PLEKHA6: variants seen among roughly 807,000 people sequenced by gnomAD.
The protein encoded by PLEKHA6 is pleckstrin homology domain-containing family A member 6.
Under a neutral mutation model 116.7 loss-of-function variants are expected in PLEKHA6, and 60 were observed. That is an observed-to-expected ratio of 0.51 (90% CI 0.42 to 0.64). The LOEUF is 0.64. Among genes scored for constraint, PLEKHA6 ranks in the 30% least tolerant of loss-of-function variants. The pLI, the probability that PLEKHA6 is intolerant of heterozygous loss-of-function variation, is 0.00. For missense variants in PLEKHA6, 1,338 were observed against 1,422.7 expected (o/e 0.94, Z 0.96); for synonymous variants, 489 against 556.1 (o/e 0.88, Z 1.70).
chr1:204,257,404 G>T lies in PLEKHA6; in HGVS notation c.1473C>A (p.Ile491=). The T allele has an allele frequency of 6.4e-7, 1 of 1,564,256 alleles. No individual in the cohort carries two copies. The highest frequency in any genetic ancestry group is 8.7e-7 in the Non-Finnish European group (1 of 1,153,732). The change falls in exon 9 of 23, where the codon ATC becomes ATA. Residue 491 remains isoleucine (I), a synonymous_variant. Transcript: ENST00000272203. The surrounding 1 kb of genome is among the most constrained non-coding windows in gnomAD (Gnocchi z 6.5). ...TCACATAGGCAGCAGGGTCAGCATA[G>T]ATGTCCTCACTGCGAGGTGGCAGCC... ...FERLPPRSED[I]YADPAAYVMR...
At chr1:204,253,951 A>C (rs1016825090) in intron 9 of PLEKHA6, among the ~76,000 whole-genome samples, 14 of 152,200 alleles carry the variant, frequency 9.2e-5, no homozygotes, top group African/African-American at 3.4e-4. Context: ...CTAATGGACC[A>C]GCCCCTCTGT....
chr1:204,367,432 C>T (rs1673683753), intron 3 of PLEKHA6, among the ~76,000 whole-genome samples: 2 of 152,196 alleles, frequency 1.3e-5, no homozygotes, highest in African/African-American at 4.8e-5. Flanking sequence ...ACTGCCTCCA[C>T]ATCCTGCCCC....
At chr1:204,353,421 T>G (rs1048602633) in intron 1 of PLEKHA6, among the ~76,000 whole-genome samples, 2 of 152,166 alleles carry the variant, frequency 1.3e-5, no homozygotes, top group Non-Finnish European at 2.9e-5. Flanking sequence ...GAGCACCTAC[T>G]ATGTGCTAAG....
At position 204,248,808 on chromosome 1, in the gene PLEKHA6, C is replaced by T; in HGVS notation, c.1824+13G>A. Reference sequence around the variant, plus strand: ...GATGAGGTGGGGTGCACGAACCCCGCTCCCTGGGTTACCGTGGTCGCCTGA... The same window carrying T: ...GATGAGGTGGGGTGCACGAACCCCGTTCCCTGGGTTACCGTGGTCGCCTGA... On this transcript the variant is annotated intron_variant, in intron 12 of 22. Coordinates refer to ENST00000272203, the MANE Select transcript of PLEKHA6 (RefSeq NM_014935.5). The T allele has an allele frequency of 1.2e-6, 2 of 1,612,326 alleles. No homozygotes were observed. Among genetic ancestry groups the T allele is most frequent in the Admixed American group, 1.7e-5 (1 of 59,982 alleles).
At chr1:204,366,625 G>A (rs1021499186) in intron 3 of PLEKHA6, among the ~76,000 whole-genome samples, 2 of 152,124 alleles carry the variant, frequency 1.3e-5, no homozygotes, top group African/African-American at 4.8e-5. Flanking sequence ...GCCAGGCATG[G>A]TGGTGGGCAC....
At position 204,228,634 on chromosome 1, in the gene PLEKHA6, G is replaced by C. The variant is rs938462856; in HGVS notation, c.2885+94C>G. 8.7e-7 allele frequency: 1 copy of C among 1,154,466 alleles called. No homozygotes were observed. The highest frequency in any genetic ancestry group is 1.5e-5 in the African/African-American group (1 of 66,068). 71.5% of individuals were successfully genotyped at this position (1,154,466 alleles called of 1,614,324 possible). On this transcript the variant is annotated intron_variant, in intron 20 of 22. Transcript: ENST00000272203. The surrounding 1 kb of genome is among the most constrained non-coding windows in gnomAD (Gnocchi z 4.0). ...TCACCACCTCGATGTGCTCTCCCCT[G>C]GGGAGGCTCTGTGCCCCCAACGACT...
intron 1 of PLEKHA6, chr1:204,308,980 C>G (rs12405379): frequency 3.3e-5 from 21 of 630,472 alleles, no homozygotes; most frequent in Non-Finnish European, 4.0e-5. Flanking sequence ...TGAGCCACCA[C>G]GCCCGGCCTC....
chr1:204,347,224 C>T (rs1673094256), intron 1 of PLEKHA6: 6 of 1,120,738 alleles, frequency 5.4e-6, no homozygotes, highest in South Asian at 2.5e-5. Context: ...GAACATACAT[C>T]GGGTGCCTCT....
rs939737638 is a variant in PLEKHA6 at position 204,257,237 on chromosome 1, C to T, written c.1524+116G>A. 3.7e-5 allele frequency: 37 copies of T among 995,860 alleles called. No individual in the cohort carries two copies. The highest frequency in any genetic ancestry group is 1.6e-4 in the South Asian group (10 of 63,654). 61.7% of individuals were successfully genotyped at this position (995,860 alleles called of 1,614,324 possible). A position where few individuals can be genotyped will look rare whatever the true frequency, so the allele number is the denominator to read the frequency against. Reference sequence around the variant, plus strand: ...CAGCACTGCTGGTCCTGCAGACAAACGGCCCAGTGGCCCCGTGGCACAGAT... The same window carrying T: ...CAGCACTGCTGGTCCTGCAGACAAATGGCCCAGTGGCCCCGTGGCACAGAT... On this transcript the variant is annotated intron_variant, in intron 9 of 22. Coordinates refer to ENST00000272203, the MANE Select transcript of PLEKHA6 (RefSeq NM_014935.5). The surrounding 1 kb of genome is among the most constrained non-coding windows in gnomAD (Gnocchi z 6.5).
At chr1:204,250,511 G>C in intron 10 of PLEKHA6, 35 bp downstream of exon 10, 1 of 1,478,616 alleles carries the variant, frequency 6.8e-7, no homozygotes, top group South Asian at 1.1e-5. Context: ...CAGGAGGCTG[G>C]AGTGGAGGGA....
intron 1 of PLEKHA6, among the ~76,000 whole-genome samples, chr1:204,326,128 G>C (rs1183719886): frequency 6.6e-6 from 1 of 152,168 alleles, no homozygotes; most frequent in Non-Finnish European, 1.5e-5. Flanking sequence ...CAGTCCTGCT[G>C]TGGCCAACTT....
upstream of PLEKHA6, among the ~76,000 whole-genome samples, chr1:204,362,131 G>A (rs1333766173): frequency 6.6e-6 from 1 of 152,168 alleles, no homozygotes; most frequent in African/African-American, 2.4e-5. Context: ...TTTAGCTGGG[G>A]GACCAAGGCG....
chr1:204,356,397 C>T (rs117171314), intron 1 of PLEKHA6, among the ~76,000 whole-genome samples: 1 of 152,126 alleles, frequency 6.6e-6, no homozygotes, highest in East Asian at 1.9e-4. Context: ...ACGTGGCCAA[C>T]TCTATCAAAA....
At position 204,257,743 on chromosome 1, in the gene PLEKHA6, C is replaced by A. The variant is rs1235687318; in HGVS notation, c.1134G>T (p.Pro378=). The A allele has an allele frequency of 1.2e-6, 2 of 1,613,520 alleles. No homozygotes were observed. The highest frequency in any genetic ancestry group is 2.2e-5 in the East Asian group (1 of 44,862). ...GVRPESICSM[P]AYDRISPPWA... ...AGGGCGGGCTGATCCGATCATAGGC[C>A]GGCATGGAACAGATGCTCTCCGGCC... Residue 378 remains proline, a synonymous_variant, in exon 9 of 23, where the codon CCG becomes CCT. Transcript: ENST00000272203. This position sits in a 1 kb window ranked among gnomAD's most constrained non-coding sequence, Gnocchi z 6.5.
rs116751785 is a variant in PLEKHA6 at position 204,356,996 on chromosome 1, T to C, written c.-95+2698A>G. Among the ~76,000 whole-genome samples, 751 of 152,352 alleles carry C rather than the reference T, an allele frequency of 4.9e-3. 6 individuals carry two copies. The highest frequency in any genetic ancestry group is 0.017 in the African/African-American group (723 of 41,578). On this transcript the variant is annotated intron_variant, in intron 1 of 22. Coordinates refer to ENST00000272203, the MANE Select transcript of PLEKHA6 (RefSeq NM_014935.5). ...AAGGAAAATAAGGTAACAACCTAAATGTCCAATATAGAAATGATCATGTAA... is the reference window on the plus strand; with the variant it reads ...AAGGAAAATAAGGTAACAACCTAAACGTCCAATATAGAAATGATCATGTAA...
At chr1:204,301,568 C>A in intron 1 of PLEKHA6, 1 of 639,774 alleles carries the variant, frequency 1.6e-6, no homozygotes, top group Non-Finnish European at 1.9e-6. Context: ...ATCTGTACCA[C>A]TTACTCCCTA....
At chr1:204,294,856 G>GTGC in intron 1 of PLEKHA6, among the ~76,000 whole-genome samples, 1 of 152,304 alleles carries the variant, frequency 6.6e-6, no homozygotes, top group Non-Finnish European at 1.5e-5. Flanking sequence ...CTTAGTAAAT[G>GTGC]TTCAATAAAT....
At chr1:204,362,189 T>G (rs113973248), upstream of PLEKHA6, among the ~76,000 whole-genome samples, 179 of 152,188 alleles carry the variant, frequency 1.2e-3, 1 homozygote, top group African/African-American at 3.9e-3. Context: ...CAAGGACAGG[T>G]GAGGCGGATG....
upstream of PLEKHA6, among the ~76,000 whole-genome samples, chr1:204,363,724 G>A (rs1209020075): frequency 1.3e-5 from 2 of 152,150 alleles, no homozygotes; most frequent in African/African-American, 4.8e-5. Flanking sequence ...TGGCTGGGAG[G>A]TGGCAGGGGA....
Sources: gnomAD v4.1 joint callset for allele counts (sites outside exome capture counted in the v4.1 genomes callset) on GRCh38, gnomAD v4.1.1 for gene constraint, Gnocchi (gnomAD v3.1) non-coding constraint, MANE v1.5 for transcripts, NCBI Gene and HGNC (gene_info 2026-07-23, HGNC 2026-07-21) for gene names.